The following VOPP1 variants were observed in gnomAD, a reference collection of about 807,000 sequenced individuals.
The protein encoded by VOPP1 is VOPP1 WW domain binding protein.
Under a neutral mutation model 23.5 loss-of-function variants are expected in VOPP1, and 8 were observed. The observed-to-expected ratio is 0.34, with a 90% CI of 0.20 to 0.61. The LOEUF (loss-of-function observed/expected upper bound fraction) is 0.61. Ranked by LOEUF, VOPP1 falls within the 20% of genes least tolerant of loss-of-function variation. The probability of loss-of-function intolerance (pLI) is 0.78; values close to 1 mark genes in which losing one functional copy is unlikely to be tolerated. For synonymous variants in VOPP1, 83 were observed against 97.3 expected (o/e 0.85, Z 0.86); for missense variants, 174 against 238.1 (o/e 0.73, Z 1.77).
intron 2 of VOPP1, among the ~76,000 whole-genome samples, chr7:55,501,889 C>T (rs147711142): frequency 2.6e-5 from 4 of 152,314 alleles, no homozygotes; most frequent in East Asian, 3.9e-4. Flanking sequence ...GTCTCTCTCT[C>T]GGGTTTTACT....
chr7:55,540,151 G>A (rs1797053221), intron 1 of VOPP1, among the ~76,000 whole-genome samples: 1 of 152,052 alleles, frequency 6.6e-6, no homozygotes, highest in African/African-American at 2.4e-5. Context: ...TGTAATCCCA[G>A]CACTTTGGGA....
intron 4 of VOPP1, among the ~76,000 whole-genome samples, chr7:55,477,047 C>T (rs1175859628): frequency 1.3e-5 from 2 of 152,172 alleles, no homozygotes; most frequent in Non-Finnish European, 2.9e-5. Flanking sequence ...TGCCTGTGAC[C>T]ACCTCATGCC....
chr7:55,486,766 C>T (rs151172232), intron 4 of VOPP1, among the ~76,000 whole-genome samples: 176 of 152,308 alleles, frequency 1.2e-3, no homozygotes, highest in Middle Eastern at 3.4e-3. Context: ...AAAGTATTTC[C>T]AGTTAATTTC....
intron 1 of VOPP1, among the ~76,000 whole-genome samples, chr7:55,532,781 C>T (rs1403930123): frequency 6.6e-6 from 1 of 152,162 alleles, no homozygotes; most frequent in Admixed American, 6.5e-5. Flanking sequence ...AGCACTGCCA[C>T]GTGTACTCCT....
chr7:55,497,735 C>G (rs891862078), intron 2 of VOPP1, 45 bp from the exon 3 acceptor site: 1 of 1,568,432 alleles, frequency 6.4e-7, no homozygotes. Context: ...TTGGAAGCAG[C>G]CACCGGACCA....
Position 55,510,676 on chromosome 7 carries a change from A to G in VOPP1, c.113+10396T>C, listed in dbSNP as rs112024076. ...TGTTGGTGAGACCTGGCCTGCCACAATGCTGCATGCAGGAGGGAGTCTCAG... is the reference window on the plus strand; with the variant it reads ...TGTTGGTGAGACCTGGCCTGCCACAGTGCTGCATGCAGGAGGGAGTCTCAG... On this transcript the variant is annotated intron_variant, in intron 2 of 4. Coordinates refer to ENST00000285279, the MANE Select transcript of VOPP1 (RefSeq NM_030796.5). Among the ~76,000 whole-genome samples the G allele has an allele frequency of 5.5e-3, 828 of 151,656 alleles. 10 individuals carry two copies. Among genetic ancestry groups the G allele is most frequent in the African/African-American group, 0.019 (770 of 41,254 alleles).
chr7:55,572,446 G>C lies in VOPP1; in HGVS notation c.-122C>G. The C allele has an allele frequency of 1.5e-6, 1 of 666,914 alleles. No individual in the cohort carries two copies. The highest frequency in any genetic ancestry group is 1.9e-6 in the Non-Finnish European group (1 of 531,018). 41.3% of individuals were successfully genotyped at this position (666,914 alleles called of 1,614,324 possible). A position where few individuals can be genotyped will look rare whatever the true frequency, so the allele number is the denominator to read the frequency against. On this transcript the variant is annotated 5_prime_UTR_variant, in exon 1 of 5. Coordinates refer to ENST00000285279, the MANE Select transcript of VOPP1 (RefSeq NM_030796.5). ...GGAGCCGTCCCGCCGACCGCTGGGG[G>C]GCCCGGCTGGGAGCGGGCGGGAGCC...
At chr7:55,508,250 T>G (rs1794857276) in intron 2 of VOPP1, among the ~76,000 whole-genome samples, 1 of 152,166 alleles carries the variant, frequency 6.6e-6, no homozygotes, top group African/African-American at 2.4e-5. Context: ...ACTGCTGAAC[T>G]TTGGTAACTA....
At chr7:55,567,676 C>T (rs1161449307) in intron 1 of VOPP1, among the ~76,000 whole-genome samples, 1 of 152,258 alleles carries the variant, frequency 6.6e-6, no homozygotes, top group Non-Finnish European at 1.5e-5. Flanking sequence ...GCTTTCCCCA[C>T]TTCAGAGCAG....
At chr7:55,480,154 A>T (rs1278317663) in intron 4 of VOPP1, among the ~76,000 whole-genome samples, 2 of 152,180 alleles carry the variant, frequency 1.3e-5, no homozygotes, top group Non-Finnish European at 2.9e-5. Context: ...CATTCCTATG[A>T]TTTGCAGTAA....
chr7:55,531,642 G>A (rs139929449), intron 1 of VOPP1, among the ~76,000 whole-genome samples: 22 of 152,210 alleles, frequency 1.4e-4, no homozygotes, highest in East Asian at 3.9e-4. Context: ...ATGAGCCATC[G>A]CGCCCAGAAA....
At chr7:55,547,511 A>T (rs1467504474) in intron 1 of VOPP1, among the ~76,000 whole-genome samples, 1 of 152,230 alleles carries the variant, frequency 6.6e-6, no homozygotes, top group African/African-American at 2.4e-5. Context: ...ACAGAACCTC[A>T]TGTAAACTTG....
intron 2 of VOPP1, among the ~76,000 whole-genome samples, chr7:55,503,262 C>CG (rs1190859715): frequency 6.6e-6 from 1 of 152,154 alleles, no homozygotes; most frequent in African/African-American, 2.4e-5. Context: ...TGAGAGTCTA[C>CG]GGGCCACGAT....
At chr7:55,540,760 G>C (rs1187103488) in intron 1 of VOPP1, among the ~76,000 whole-genome samples, 1 of 152,290 alleles carries the variant, frequency 6.6e-6, no homozygotes, top group East Asian at 1.9e-4. Flanking sequence ...TCAACGCAGG[G>C]AATTTACTAT....
chr7:55,498,351 G>A (rs1056013725), intron 2 of VOPP1, among the ~76,000 whole-genome samples: 11 of 152,180 alleles, frequency 7.2e-5, no homozygotes, highest in African/African-American at 2.2e-4. Flanking sequence ...ATCCCCCAAC[G>A]TGTCTGAGGT....
intron 1 of VOPP1, chr7:55,537,455 C>G (rs372358202): frequency 3.0e-5 from 46 of 1,535,574 alleles, no homozygotes; most frequent in Non-Finnish European, 2.9e-5. Context: ...AGCCCAAACT[C>G]TGGGCCAGGC....
At position 55,569,166 on chromosome 7, in the gene VOPP1, C is replaced by G. The variant is rs745919778; in HGVS notation, c.54+3105G>C. ...AAAGGTCAGTCCAGTAATGAGCTTC[C>G]AAGAAGCCTCCCTAGGAGAGGGATG... On this transcript the variant is annotated intron_variant, in intron 1 of 4. Coordinates refer to ENST00000285279, the MANE Select transcript of VOPP1 (RefSeq NM_030796.5). Among the ~76,000 whole-genome samples the G allele has an allele frequency of 5.3e-4, 81 of 152,152 alleles. 1 individual carries two copies. The highest frequency in any genetic ancestry group is 2.6e-4 in the Admixed American group (4 of 15,282).
In VOPP1 at chr7:55,442,365, G is replaced by A. The variant is rs141138924; in HGVS notation, n.418-6191C>T. Reference sequence around the variant, plus strand: ...GAGTGGACTGGAGAGTGACATCACAGCATCAAGAGCTCTGTGGACAGAGAG... The same window carrying A: ...GAGTGGACTGGAGAGTGACATCACAACATCAAGAGCTCTGTGGACAGAGAG... On this transcript the variant is annotated intron_variant and non_coding_transcript_variant, in intron 4 of 4. Transcript: ENST00000462326. Among the ~76,000 whole-genome samples, 81 of 152,342 alleles carry A rather than the reference G, an allele frequency of 5.3e-4. 2 individuals are homozygous for A. The highest frequency in any genetic ancestry group is 1.9e-3 in the African/African-American group (77 of 41,564).
chr7:55,513,750 T>C (rs1388336271), intron 2 of VOPP1, among the ~76,000 whole-genome samples: 1 of 152,148 alleles, frequency 6.6e-6, no homozygotes, highest in African/African-American at 2.4e-5. Context: ...AGAACCACCT[T>C]TGGGGCCAAA....
Sources: gnomAD v4.1 joint callset for allele counts (sites outside exome capture counted in the v4.1 genomes callset) on GRCh38, gnomAD v4.1.1 for gene constraint, MANE v1.5 for transcripts, NCBI Gene and HGNC (gene_info 2026-07-23, HGNC 2026-07-21) for gene names.